PCDH17: variants seen among roughly 807,000 people sequenced by gnomAD.
PCDH17 encodes protocadherin-17.
In PCDH17, 21 loss-of-function variants were observed where a neutral mutation model predicts 67.7. The observed-to-expected ratio is 0.31, with a 90% CI of 0.22 to 0.45. The LOEUF (loss-of-function observed/expected upper bound fraction) is 0.45. Ranked by LOEUF, PCDH17 falls within the 20% of genes least tolerant of loss-of-function variation. PCDH17 has a pLI of 1.00. For synonymous variants in PCDH17, 701 were observed against 656.7 expected (o/e 1.07, Z -1.03); for missense variants, 1,471 against 1,564.8 (o/e 0.94, Z 1.01).
intron 3 of PCDH17, among the ~76,000 whole-genome samples, chr13:57,712,497 T>C (rs531913631): frequency 1.3e-5 from 2 of 151,848 alleles, no homozygotes; most frequent in East Asian, 3.9e-4. Flanking sequence ...TGAATTTAAA[T>C]TTATTTTTTT....
At chr13:57,690,809 C>T (rs1033313766) in intron 3 of PCDH17, among the ~76,000 whole-genome samples, 5 of 151,092 alleles carry the variant, frequency 3.3e-5, no homozygotes, top group African/African-American at 1.2e-4. Flanking sequence ...TTATCTCGTG[C>T]CGAGTATTGT....
At chr13:57,683,880 T>G (rs192993654) in intron 3 of PCDH17, among the ~76,000 whole-genome samples, 1 of 151,862 alleles carries the variant, frequency 6.6e-6, no homozygotes, top group Non-Finnish European at 1.5e-5. Flanking sequence ...CTAAACCAAT[T>G]GAGATGTGTA....
intron 3 of PCDH17, among the ~76,000 whole-genome samples, chr13:57,692,087 G>A (rs750630631): frequency 2.0e-5 from 3 of 151,056 alleles, no homozygotes; most frequent in Non-Finnish European, 4.5e-5. Context: ...GTTTCATGGG[G>A]CAGGCTGATA....
chr13:57,664,808 T>C (rs997172326), intron 1 of PCDH17, among the ~76,000 whole-genome samples: 2 of 152,226 alleles, frequency 1.3e-5, no homozygotes, highest in Non-Finnish European at 2.9e-5. Context: ...TAAGTAATTA[T>C]AGTTTAAAAA....
chr13:57,661,398 T>G (rs1566225783), intron 1 of PCDH17, among the ~76,000 whole-genome samples: 1 of 152,180 alleles, frequency 6.6e-6, no homozygotes, highest in Non-Finnish European at 1.5e-5. Flanking sequence ...ATTATAGATG[T>G]TCTCTCAAGG....
chr13:57,714,703 C>T (rs1284026781), intron 3 of PCDH17, among the ~76,000 whole-genome samples: 2 of 151,650 alleles, frequency 1.3e-5, no homozygotes, highest in African/African-American at 4.8e-5. Flanking sequence ...CAGGTTCTTT[C>T]GGAAATTGCA....
At chr13:57,663,358 C>G (rs1955207982) in intron 1 of PCDH17, among the ~76,000 whole-genome samples, 1 of 152,220 alleles carries the variant, frequency 6.6e-6, no homozygotes, top group Non-Finnish European at 1.5e-5. Flanking sequence ...AAATTCTACC[C>G]TCTTCCAAGA....
In PCDH17 at chr13:57,725,205, G is replaced by C. The variant is rs1242200783; in HGVS notation, c.3391G>C (p.Glu1131Gln). The change falls in exon 4 of 4, where the codon GAG (glutamate) becomes CAG (glutamine). Residue 1131 changes from glutamate to glutamine, a missense_variant. Physicochemically the swap from Glu to Gln is conservative, Grantham distance 29. Around this residue, in one of 3 missense-constraint regions of PCDH17, gnomAD observed 297 missense variants for 298.6 expected, o/e 0.99. Coordinates refer to ENST00000377918, the MANE Select transcript of PCDH17 (RefSeq NM_001040429.3). ...LDHPNRDLGR[E>Q]SVDAEEVVRE... is the part of the protein sequence containing the mutation. ...CCACCCCAACAGGGATCTGGGCAGA[G>C]AGTCTGTGGATGCAGAGGAAGTTGT... 10 of 1,613,954 alleles carry C rather than the reference G, an allele frequency of 6.2e-6. No individual in the cohort carries two copies. The highest frequency in any genetic ancestry group is 8.5e-6 in the Non-Finnish European group (10 of 1,180,012).
At chr13:57,642,699 T>C (rs1208259340) in intron 1 of PCDH17, among the ~76,000 whole-genome samples, 1 of 151,538 alleles carries the variant, frequency 6.6e-6, no homozygotes, top group Non-Finnish European at 1.5e-5. Context: ...AAAATTTTCA[T>C]GGTCTCCAAT....
chr13:57,689,651 T>G (rs1955538838), intron 3 of PCDH17, among the ~76,000 whole-genome samples: 1 of 152,030 alleles, frequency 6.6e-6, no homozygotes, highest in African/African-American at 2.4e-5. Flanking sequence ...TGTATTTTTC[T>G]GTATATGCAT....
chr13:57,660,696 C>T (rs1955172004), intron 1 of PCDH17, among the ~76,000 whole-genome samples: 4 of 152,158 alleles, frequency 2.6e-5, no homozygotes, highest in Admixed American at 2.0e-4. Flanking sequence ...TTTCCCTCAC[C>T]TTTCACCCCT....
At chr13:57,638,564 A>G (rs1460801268) in intron 1 of PCDH17, among the ~76,000 whole-genome samples, 3 of 152,068 alleles carry the variant, frequency 2.0e-5, no homozygotes, top group African/African-American at 7.2e-5. Context: ...ATACATTCTT[A>G]CTCAGTGTTT....
chr13:57,639,362 T>C (rs1008698283), intron 1 of PCDH17, among the ~76,000 whole-genome samples: 13 of 151,802 alleles, frequency 8.6e-5, no homozygotes, highest in Non-Finnish European at 1.6e-4. Flanking sequence ...CCCCTAAAAG[T>C]CCAAAAATTG....
At chr13:57,642,398 A>C (rs56246819) in intron 1 of PCDH17, among the ~76,000 whole-genome samples, 3 of 151,610 alleles carry the variant, frequency 2.0e-5, no homozygotes, top group African/African-American at 7.2e-5. Context: ...CATTGGTTAC[A>C]TGTTTGTAAA....
intron 3 of PCDH17, among the ~76,000 whole-genome samples, chr13:57,682,473 A>G (rs754954270): frequency 6.6e-6 from 1 of 151,762 alleles, no homozygotes; most frequent in Non-Finnish European, 1.5e-5. Flanking sequence ...ACAATGCACA[A>G]CACTTCCAAA....
At chr13:57,708,407 C>G (rs1186943203) in intron 3 of PCDH17, among the ~76,000 whole-genome samples, 3 of 151,922 alleles carry the variant, frequency 2.0e-5, no homozygotes, top group African/African-American at 7.2e-5. Context: ...TCAAGACAAA[C>G]ATAATAACAA....
chr13:57,700,321 C>CTTTTTT (rs1238464454), intron 3 of PCDH17, among the ~76,000 whole-genome samples: 1 of 137,906 alleles, frequency 7.3e-6, no homozygotes. Flanking sequence ...CTCTCTCTCT[C>CTTTTTT]TTTTTTTTTT....
chr13:57,636,335 T>G (rs1352418560), intron 1 of PCDH17, among the ~76,000 whole-genome samples: 1 of 152,226 alleles, frequency 6.6e-6, no homozygotes, highest in Non-Finnish European at 1.5e-5. Context: ...AATTTGTTCA[T>G]AATGTTATGC....
At chr13:57,672,121 T>C (rs1189922183) in intron 3 of PCDH17, among the ~76,000 whole-genome samples, 4 of 152,062 alleles carry the variant, frequency 2.6e-5, no homozygotes, top group African/African-American at 7.2e-5. Flanking sequence ...CCATGAAAAG[T>C]TGCCAGTAAT....
Sources: gnomAD v4.1 joint callset for allele counts (sites outside exome capture counted in the v4.1 genomes callset) on GRCh38, gnomAD v4.1.1 for gene constraint, gnomAD v4.1.1 regional missense constraint, MANE v1.5 for transcripts, NCBI Gene and HGNC (gene_info 2026-07-23, HGNC 2026-07-21) for gene names.